Variants in DHX30 observed in about 807,000 individuals in gnomAD.
The protein encoded by DHX30 is DExH-box helicase 30.
A neutral mutation model predicts 116.9 loss-of-function variants in DHX30; 4 were observed. The ratio of observed to expected loss-of-function variants is 0.03; its 90% CI spans 0.02 to 0.08. DHX30 has a LOEUF of 0.08. Ranked by LOEUF, DHX30 falls within the 10% of genes least tolerant of loss-of-function variation. The pLI is 1.00. For missense variants in DHX30, 871 were observed against 1,595.1 expected, an observed-to-expected ratio of 0.55 and a Z score of 7.73; for synonymous variants, 697 against 651.7, an observed-to-expected ratio of 1.07 and a Z score of -1.06.
intron 4 of DHX30, chr3:47,825,006 G>A (rs1447989731): frequency 1.7e-6 from 1 of 605,606 alleles, no homozygotes; most frequent in South Asian, 1.8e-5. Context: ...CCCGGTCCCT[G>A]CCGCGCACAG....
intron 6 of DHX30, among the ~76,000 whole-genome samples, chr3:47,840,218 C>T (rs1195841152): frequency 2.0e-5 from 3 of 150,090 alleles, no homozygotes; most frequent in Non-Finnish European, 4.4e-5. Flanking sequence ...AGGATGGTCT[C>T]GATCTCCTGA....
intron 6 of DHX30, among the ~76,000 whole-genome samples, chr3:47,834,873 G>C (rs1408171872): frequency 6.6e-6 from 1 of 152,192 alleles, no homozygotes; most frequent in Non-Finnish European, 1.5e-5. Flanking sequence ...TAATGCTGCA[G>C]TTAACATGGG....
At position 47,819,179 on chromosome 3, in the gene DHX30, A is replaced by G. The variant is rs369782435; in HGVS notation, c.124+1062A>G. ...ATGCCACCCCCCTACCGTTACCAAA[A>G]CAAGAGTTGATTGCCCTTTTTTTTT... On this transcript the variant is annotated intron_variant, in intron 4 of 21. Transcript: ENST00000445061. 1.5e-3 allele frequency: 2,051 copies of G among 1,358,182 alleles called. 4 individuals carry two copies. Among genetic ancestry groups the G allele is most frequent in the Non-Finnish European group, 1.8e-3 (1,798 of 1,013,830 alleles). The allele number at this position is 1,358,182 out of a possible 1,614,324, so 84.1% of individuals were successfully genotyped here. A position where few individuals can be genotyped will look rare whatever the true frequency, so the allele number is the denominator to read the frequency against.
In DHX30 at chr3:47,847,876, A is replaced by T. The variant is rs1027573581; in HGVS notation, c.2206A>T (p.Thr736Ser). The T allele has an allele frequency of 3.7e-6, 6 of 1,614,054 alleles. No individual in the cohort carries two copies. In the Admixed American group the frequency reaches 5.0e-5, roughly 13 times the overall value. ...TGTCTTGGCCACCAACATTGCTGAG[A>T]CTTCCATCACAATCAATGACATCGT... The part of the protein sequence containing the change: ...KIVLATNIAE[T>S]SITINDIVHV... Residue 736 changes from threonine (T) to serine (S), a missense_variant, in exon 14 of 22, where the codon ACT becomes TCT. This residue lies in a region of DHX30 where 20 missense variants were observed against 82.2 expected (regional missense o/e 0.24). Coordinates refer to ENST00000445061, the MANE Select transcript of DHX30 (RefSeq NM_138615.3). The surrounding 1 kb of genome is among the most constrained non-coding windows in gnomAD (Gnocchi z 5.5).
chr3:47,835,340 G>T (rs1325057950), intron 6 of DHX30, among the ~76,000 whole-genome samples: 1 of 152,004 alleles, frequency 6.6e-6, no homozygotes, highest in African/African-American at 2.4e-5. Context: ...CTGGAATTTT[G>T]TATTTTTACT....
intron 4 of DHX30, chr3:47,825,086 CG>C (rs956337031): frequency 1.3e-5 from 9 of 670,832 alleles, no homozygotes; most frequent in Non-Finnish European, 2.4e-5. Context: ...GGCATCTCTC[CG>C]CGCCTGCAGC....
rs2037639611 is a variant in DHX30 at position 47,847,032 on chromosome 3, C to T, written c.1929+31C>T. 6.3e-7 allele frequency: 1 copy of T among 1,586,300 alleles called. No homozygotes were observed. Among genetic ancestry groups the T allele is most frequent in the Admixed American group, 1.7e-5 (1 of 58,950 alleles). On this transcript the variant is annotated intron_variant, in intron 11 of 21. Coordinates refer to ENST00000445061, the MANE Select transcript of DHX30 (RefSeq NM_138615.3). The surrounding 1 kb of genome is among the most constrained non-coding windows in gnomAD (Gnocchi z 5.5). The stretch of plus-strand genomic sequence containing the variant: ...GGACACCCCCATCCCACCCAAGGCT[C>T]CTGGCCTTTCCTCCGTGGATGCCCC...
chr3:47,819,017 C>T (rs1187780778), intron 4 of DHX30, among the ~76,000 whole-genome samples: 1 of 152,098 alleles, frequency 6.6e-6, no homozygotes, highest in Non-Finnish European at 1.5e-5. Flanking sequence ...ACACAGAGCA[C>T]CTCAGTTTCT....
In DHX30 at chr3:47,848,034, C is replaced by A; in HGVS notation, c.2286+78C>A. 1 of 1,590,442 alleles carries A rather than the reference C, an allele frequency of 6.3e-7. No homozygotes were observed. The highest frequency in any genetic ancestry group is 8.6e-7 in the Non-Finnish European group (1 of 1,164,104). On this transcript the variant is annotated intron_variant, in intron 14 of 21. Transcript: ENST00000445061. This position sits in a 1 kb window ranked among gnomAD's most constrained non-coding sequence, Gnocchi z 9.4. ...GAGGTGGTCCCCAGCCCAGATCTAC[C>A]TTAGACCTGCTTTGTGTGTCTTCAG...
chr3:47,816,506 C>T (rs1475621119), intron 3 of DHX30: 12 of 926,334 alleles, frequency 1.3e-5, no homozygotes, highest in Admixed American at 1.2e-4. Flanking sequence ...TACAGGCACA[C>T]GCCACCATGC....
In DHX30 at chr3:47,849,746, C is replaced by G. The variant is rs2037974043; in HGVS notation, c.3308C>G (p.Thr1103Ser). Residue 1103 changes from threonine to serine, a missense_variant, in exon 21 of 22, where the codon ACC becomes AGC. Around this residue, in one of 13 missense-constraint regions of DHX30, gnomAD observed 238 missense variants for 481.0 expected, o/e 0.49. Transcript: ENST00000445061. ...CACCCGCTAGCTGTGCTGCTGCTGA[C>G]CGACGGGGACGTGCACATCCGTGGT... ...QVHPLAVLLL[T>S]DGDVHIRDDG... is the part of the protein sequence containing the mutation. The G allele has an allele frequency of 1.2e-6, 2 of 1,613,526 alleles. No individual in the cohort carries two copies. The highest frequency in any genetic ancestry group is 2.2e-5 in the East Asian group (1 of 44,894).
Position 47,846,200 on chromosome 3 carries a change from C to G in DHX30, c.1128C>G (p.Leu376=), listed in dbSNP as rs369779602. The G allele has an allele frequency of 1.9e-6, 3 of 1,613,944 alleles. No homozygotes were observed. Among genetic ancestry groups the G allele is most frequent in the Non-Finnish European group, 2.5e-6 (3 of 1,180,020 alleles). Residue 376 remains leucine (L), a synonymous_variant, in exon 11 of 22, where the codon CTC becomes CTG. Transcript: ENST00000445061. ...AGAGTTCATGGATCGCCCCAGAACT[C>G]CGGCTGCAGAGTGATGACATCTTGC... The part of the protein sequence containing the change: ...PVESSWIAPE[L]RLQSDDILPL...
At chr3:47,814,608 C>G (rs910868977) in intron 3 of DHX30, among the ~76,000 whole-genome samples, 1 of 151,938 alleles carries the variant, frequency 6.6e-6, no homozygotes, top group African/African-American at 2.4e-5. Context: ...GCAAGCTCCA[C>G]CTCCCAGATT....
chr3:47,841,036 G>A lies in DHX30; in HGVS notation c.526G>A (p.Gly176Arg). The A allele has an allele frequency of 6.2e-7, 1 of 1,614,214 alleles. No individual in the cohort carries two copies. Among genetic ancestry groups the A allele is most frequent in the Non-Finnish European group, 8.5e-7 (1 of 1,180,034 alleles). The change falls in exon 7 of 22, where the codon GGG becomes AGG. Residue 176 changes from glycine to arginine, a missense_variant. Physicochemically the swap from Gly to Arg is moderately radical, Grantham distance 125. Coordinates refer to ENST00000445061, the MANE Select transcript of DHX30 (RefSeq NM_138615.3). Reference protein sequence around the residue: ...RQLNPESIRPGGPGGLSRSLG... With the variant: ...RQLNPESIRPRGPGGLSRSLG... ...GCTGAATCCAGAGAGTATTCGACCA[G>A]GGGGACCTGGGGGCCTATCCCGCTC...
rs1348864116 is a variant in DHX30 at position 47,847,012 on chromosome 3, C to T, written c.1929+11C>T. 5 of 1,602,094 alleles carry T rather than the reference C, an allele frequency of 3.1e-6. No homozygotes were observed. Among genetic ancestry groups the T allele is most frequent in the Non-Finnish European group, 4.3e-6 (5 of 1,173,436 alleles). ...CACCGGCACCATGAGGTGAGGGACA[C>T]CCCCATCCCACCCAAGGCTCCTGGC... On this transcript the variant is annotated intron_variant, in intron 11 of 21. Transcript: ENST00000445061. This position sits in a 1 kb window ranked among gnomAD's most constrained non-coding sequence, Gnocchi z 5.5.
chr3:47,818,064 C>T lies in DHX30; in HGVS notation c.71C>T (p.Pro24Leu), dbSNP rs762509799. The stretch of plus-strand genomic sequence containing the variant: ...CAGCGTCAGTGCAAACTTCCCCCAC[C>T]CCGCCTTCCACCCATGTGTGTCAAC... ...HRQRQCKLPPPRLPPMCVNPT... is the reference protein window; with the variant it reads ...HRQRQCKLPPLRLPPMCVNPT... The change falls in exon 4 of 22, where the codon CCC becomes CTC. Residue 24 changes from proline (P) to leucine (L), a missense_variant. Physicochemically the swap from Pro to Leu is moderately conservative, Grantham distance 98 (BLOSUM62 -3). Transcript: ENST00000445061. 1.3e-6 allele frequency: 1 copy of T among 781,054 alleles called. No homozygotes were observed. Among genetic ancestry groups the T allele is most frequent in the Non-Finnish European group, 2.4e-6 (1 of 418,130 alleles). The allele number at this position is 781,054 out of a possible 1,614,324, so 48.4% of individuals were successfully genotyped here.
intron 4 of DHX30, among the ~76,000 whole-genome samples, chr3:47,823,824 G>C (rs2036408947): frequency 6.6e-6 from 1 of 152,060 alleles, no homozygotes; most frequent in South Asian, 2.1e-4. Context: ...GGCTTCTTTA[G>C]AGGCAACTAA....
Position 47,849,996 on chromosome 3 carries a change from G to C in DHX30, c.3461G>C (p.Arg1154Pro). 1.2e-6 allele frequency: 2 copies of C among 1,611,898 alleles called. No homozygotes were observed. The highest frequency in any genetic ancestry group is 1.7e-6 in the Non-Finnish European group (2 of 1,179,552). ...GGCCGCATGGTGGAGCGGAGCCTGC[G>C]CAGCGAGCTGGCTGCACTTCCCCCC... is the stretch of plus-strand genomic sequence containing the variant. ...ALGRMVERSL[R>P]SELAALPPSV... is the part of the protein sequence containing the mutation. The change falls in exon 22 of 22, where the codon CGC (arginine) becomes CCC (proline). Residue 1154 changes from arginine to proline, a missense_variant. Arg to Pro is a moderately radical substitution (Grantham distance 103, BLOSUM62 -2). Around this residue, in one of 13 missense-constraint regions of DHX30, gnomAD observed 238 missense variants for 481.0 expected, o/e 0.49. Coordinates refer to ENST00000445061, the MANE Select transcript of DHX30 (RefSeq NM_138615.3).
Position 47,848,188 on chromosome 3 carries a change from C to T in DHX30, c.2295C>T (p.Cys765=). The T allele has an allele frequency of 2.5e-6, 4 of 1,613,688 alleles. No individual in the cohort carries two copies. The highest frequency in any genetic ancestry group is 3.4e-6 in the Non-Finnish European group (4 of 1,180,020). ...ERYDLKTKVS[C]LETVWVSRAN... ...CTTGCCACCTCCTCCAGGTGTCCTG[C>T]CTGGAGACAGTGTGGGTATCAAGAG... Residue 765 remains cysteine, a synonymous_variant, in exon 15 of 22, where the codon TGC becomes TGT. Coordinates refer to ENST00000445061, the MANE Select transcript of DHX30 (RefSeq NM_138615.3). The surrounding 1 kb of genome is among the most constrained non-coding windows in gnomAD (Gnocchi z 9.4).
Sources: allele counts gnomAD v4.1 joint callset (sites outside exome capture counted in the v4.1 genomes callset), GRCh38; gene constraint gnomAD v4.1.1; regional missense constraint gnomAD v4.1.1; non-coding constraint Gnocchi (gnomAD v3.1); transcripts MANE v1.5; gene names NCBI Gene and HGNC (gene_info 2026-07-23, HGNC 2026-07-21).